Variants in ZNF429 observed in about 807,000 individuals in gnomAD.
ZNF429 encodes zinc finger protein 429.
Under a neutral mutation model 56.8 loss-of-function variants are expected in ZNF429, and 53 were observed. The observed-to-expected ratio is 0.93, with a 90% CI of 0.75 to 1.17. ZNF429 has a LOEUF of 1.17. Ranked by LOEUF, ZNF429 falls within the 50% of genes most tolerant of loss-of-function variation. The probability of loss-of-function intolerance (pLI) is 0.00; values close to 1 mark genes in which losing one functional copy is unlikely to be tolerated. For missense variants in ZNF429, 849 were observed against 788.4 expected (o/e 1.08, Z -0.92); for synonymous variants, 278 against 264.7 (o/e 1.05, Z -0.49).
intron 3 of ZNF429, among the ~76,000 whole-genome samples, chr19:21,535,464 CTTTCTTTCTTTCT>C: frequency 2.3e-5 from 1 of 42,696 alleles, no homozygotes; most frequent in Non-Finnish European, 4.6e-5. Context: ...TTCTTTCTTT[CTTTCTTTCTTTCT>C]TTCTTTCTTT....
intron 3 of ZNF429, among the ~76,000 whole-genome samples, chr19:21,533,322 C>T: frequency 1.3e-5 from 2 of 151,340 alleles, no homozygotes; most frequent in Non-Finnish European, 1.5e-5. Flanking sequence ...TGTTTAGTTT[C>T]AAGAGGTGTT....
In ZNF429 at chr19:21,536,787, C is replaced by A. The variant is rs202050037; in HGVS notation, c.734C>A (p.Thr245Asn). 6.2e-7 allele frequency: 1 copy of A among 1,613,972 alleles called. No individual in the cohort carries two copies. The highest frequency in any genetic ancestry group is 8.5e-7 in the Non-Finnish European group (1 of 1,179,984). Residue 245 changes from threonine to asparagine, a missense_variant, in exon 4 of 4, where the codon ACT (threonine) becomes AAT (asparagine). By Grantham distance (65) the Thr-to-Asn change is moderately conservative (BLOSUM62 0). Coordinates refer to ENST00000358491, the MANE Select transcript of ZNF429 (RefSeq NM_001001415.4). The part of the protein sequence containing the change: ...GKAFNHYSTL[T>N]NHKRIHTGEK... Reference sequence around the variant, plus strand: ...GCATTTAACCACTACTCAACCCTTACTAACCATAAGAGAATTCATACTGGA... The same window carrying A: ...GCATTTAACCACTACTCAACCCTTAATAACCATAAGAGAATTCATACTGGA...
intron 1 of ZNF429, among the ~76,000 whole-genome samples, chr19:21,520,070 G>T (rs1024509860): frequency 2.0e-5 from 3 of 152,058 alleles, no homozygotes; most frequent in African/African-American, 7.2e-5. Flanking sequence ...TCTTGGCCAG[G>T]CTGGTCTCAA....
rs147086380 is a variant in ZNF429, at chr19:21,515,119, T to G, written c.3+9345T>G. Among the ~76,000 whole-genome samples, 526 of 151,792 alleles carry G rather than the reference T, an allele frequency of 3.5e-3. 2 individuals carry two copies. Among genetic ancestry groups the G allele is most frequent in the African/African-American group, 0.012 (491 of 41,400 alleles). ...CCACGCTTGTCTAATTTTTGTATTT[T>G]TAGTAGAGACAGGGTTTCTCCATGT... On this transcript the variant is annotated intron_variant, in intron 1 of 3. Transcript: ENST00000358491.
chr19:21,534,792 G>GTTT, intron 3 of ZNF429, among the ~76,000 whole-genome samples: 5 of 143,806 alleles, frequency 3.5e-5, no homozygotes, highest in African/African-American at 5.1e-5. Flanking sequence ...TGTTTTTTGT[G>GTTT]TTTTTTTTTT....
rs538655948 is a variant in ZNF429, at chr19:21,536,920, A to G, written c.867A>G (p.Glu289=). 6.2e-7 allele frequency: 1 copy of G among 1,612,398 alleles called. No homozygotes were observed. Among genetic ancestry groups the G allele is most frequent in the African/African-American group, 1.3e-5 (1 of 75,048 alleles). ...GAGAGAAGCCCTACAAATGTGATGA[A>G]TGTGGCAAAACCTTTAGCATATCCT... ...HSGEKPYKCD[E]CGKTFSISST... Residue 289 remains glutamate (E), a synonymous_variant, in exon 4 of 4, where the codon GAA becomes GAG. Coordinates refer to ENST00000358491, the MANE Select transcript of ZNF429 (RefSeq NM_001001415.4).
Position 21,539,428 on chromosome 19 carries a change from A to C in ZNF429, c.*1350A>C, listed in dbSNP as rs1387645835. On this transcript the variant is annotated 3_prime_UTR_variant, in exon 4 of 4. Coordinates refer to ENST00000358491, the MANE Select transcript of ZNF429 (RefSeq NM_001001415.4). ...AAGTTATATTCAAAGTGTACTTTTT[A>C]TTTATTTTTTTGAGATGGAGTCTCA... Among the ~76,000 whole-genome samples the C allele has an allele frequency of 1.3e-5, 2 of 152,000 alleles. No individual in the cohort carries two copies. Among genetic ancestry groups the C allele is most frequent in the African/African-American group, 4.8e-5 (2 of 41,384 alleles).
intron 3 of ZNF429, among the ~76,000 whole-genome samples, chr19:21,532,503 CAA>C: frequency 6.6e-6 from 1 of 151,982 alleles, no homozygotes; most frequent in South Asian, 2.1e-4. Context: ...AGTAGTTTAA[CAA>C]AGAGTTTTTC....
In ZNF429 at chr19:21,506,760, G is replaced by GT. The variant is rs539545648; in HGVS notation, c.3+992dup. ...TACAAAAAAAAAAGCATTTGAGTTA[G>GT]TTTTTTGTTTTTTTTTTTTTTTTTT... On this transcript the variant is annotated intron_variant, in intron 1 of 3. Transcript: ENST00000358491. 3.2e-3 allele frequency among the ~76,000 whole-genome samples: 377 copies of GT among 119,566 alleles called. 25 individuals carry two copies. Among genetic ancestry groups the GT allele is most frequent in the African/African-American group, 7.6e-3 (242 of 31,706 alleles). 78.4% of individuals were successfully genotyped at this position (119,566 alleles called of 152,430 possible).
intron 1 of ZNF429, among the ~76,000 whole-genome samples, chr19:21,514,574 T>TAC (rs35594597): frequency 0.01 from 1,560 of 151,892 alleles, 25 homozygotes; most frequent in African/African-American, 0.035. Flanking sequence ...GTATATTTTA[T>TAC]ACACACACAC....
Position 21,505,677 on chromosome 19 carries a change from C to T in ZNF429, c.-95C>T. On this transcript the variant is annotated 5_prime_UTR_variant, in exon 1 of 4. Transcript: ENST00000358491. ...CCAGGTCTCGTCTTCATTTCTGTGT[C>T]CTTTGTTCTTAGAGGCCCAGCCTGT... is the stretch of plus-strand genomic sequence containing the variant. 2 of 1,391,800 alleles carry T rather than the reference C, an allele frequency of 1.4e-6. No individual in the cohort carries two copies. Among genetic ancestry groups the T allele is most frequent in the Non-Finnish European group, 2.0e-6 (2 of 1,003,544 alleles). The allele number at this position is 1,391,800 out of a possible 1,614,324, so 86.2% of individuals were successfully genotyped here.
At chr19:21,515,429 A>T (rs1182777535) in intron 1 of ZNF429, among the ~76,000 whole-genome samples, 2 of 151,788 alleles carry the variant, frequency 1.3e-5, no homozygotes, top group African/African-American at 4.8e-5. Context: ...CCTACTTTTT[A>T]ATAAGGTTGT....
In ZNF429 at chr19:21,508,715, G is replaced by A. The variant is rs537822620; in HGVS notation, c.3+2941G>A. 8.1e-5 allele frequency among the ~76,000 whole-genome samples: 12 copies of A among 148,374 alleles called. No individual in the cohort carries two copies. In the South Asian group the frequency reaches 2.5e-3, roughly 31 times the overall value. On this transcript the variant is annotated intron_variant, in intron 1 of 3. Coordinates refer to ENST00000358491, the MANE Select transcript of ZNF429 (RefSeq NM_001001415.4). ...TTTCTCAGGCTTTTTTTTTTTTATG[G>A]CTGGGTGATTTCAAACAGAATTCCA...
chr19:21,540,510 T>C lies in ZNF429; in HGVS notation c.*2432T>C, dbSNP rs181367994. ...ACATCAATTACATCAGGGTAAATTA[T>C]GTAGCCATTACTTGTAACATTTATC... On this transcript the variant is annotated 3_prime_UTR_variant, in exon 4 of 4. Coordinates refer to ENST00000358491, the MANE Select transcript of ZNF429 (RefSeq NM_001001415.4). Among the ~76,000 whole-genome samples, 5 of 152,252 alleles carry C rather than the reference T, an allele frequency of 3.3e-5. No individual in the cohort carries two copies. In the East Asian group the frequency reaches 7.7e-4, roughly 23 times the overall value.
At position 21,522,445 on chromosome 19, in the gene ZNF429, A is replaced by G. The variant is rs545113680; in HGVS notation, c.4-7213A>G. 2.0e-5 allele frequency among the ~76,000 whole-genome samples: 3 copies of G among 152,284 alleles called. No individual in the cohort carries two copies. In the South Asian group the frequency reaches 6.2e-4, roughly 32 times the overall value. ...TTGCATATAAAAACTCTTTTGTTCT[A>G]TCATTATGGAGTTTCTCTGCAGCTG... On this transcript the variant is annotated intron_variant, in intron 1 of 3. Coordinates refer to ENST00000358491, the MANE Select transcript of ZNF429 (RefSeq NM_001001415.4).
intron 2 of ZNF429, among the ~76,000 whole-genome samples, chr19:21,530,032 A>G: frequency 6.6e-6 from 1 of 152,136 alleles, no homozygotes; most frequent in Non-Finnish European, 1.5e-5. Context: ...TCTACTAAAA[A>G]TACAAAAAAT....
intron 1 of ZNF429, among the ~76,000 whole-genome samples, chr19:21,514,787 C>T (rs970201470): frequency 6.6e-6 from 1 of 151,194 alleles, no homozygotes; most frequent in Non-Finnish European, 1.5e-5. Flanking sequence ...TTAGTAGAGA[C>T]GGGGTTTTGC....
At chr19:21,527,644 T>A (rs1392514591) in intron 1 of ZNF429, among the ~76,000 whole-genome samples, 2 of 152,110 alleles carry the variant, frequency 1.3e-5, no homozygotes, top group African/African-American at 2.4e-5. Context: ...AAGAAATGTG[T>A]CTCCATGGAA....
chr19:21,527,936 T>C (rs547575327), intron 1 of ZNF429, among the ~76,000 whole-genome samples: 2 of 152,260 alleles, frequency 1.3e-5, no homozygotes, highest in East Asian at 3.9e-4. Flanking sequence ...CTGTCATGCA[T>C]TTAGTACTTG....
Sources: gnomAD v4.1 joint callset for allele counts (sites outside exome capture counted in the v4.1 genomes callset) on GRCh38, gnomAD v4.1.1 for gene constraint, MANE v1.5 for transcripts, NCBI Gene and HGNC (gene_info 2026-07-23, HGNC 2026-07-21) for gene names.